The following CDH18 variants were observed in gnomAD, a reference collection of about 807,000 sequenced individuals.
CDH18 encodes the protein cadherin-18.
In CDH18, 31 loss-of-function variants were observed where a neutral mutation model predicts 67.9. The ratio of observed to expected loss-of-function variants is 0.46; its 90% CI spans 0.34 to 0.62. CDH18 has a LOEUF of 0.62. CDH18 is among the 20% of genes least tolerant of loss of function. CDH18 has a pLI of 0.01. For missense variants in CDH18, 890 were observed against 975.5 expected, an observed-to-expected ratio of 0.91 and a Z score of 1.17; for synonymous variants, 362 against 347.2, an observed-to-expected ratio of 1.04 and a Z score of -0.48.
At chr5:19,495,743 G>GAAAAAAAAA (rs1305002033) in intron 11 of CDH18, among the ~76,000 whole-genome samples, 2 of 108,028 alleles carry the variant, frequency 1.9e-5, no homozygotes, top group Non-Finnish European at 3.8e-5. Flanking sequence ...AAAAAAAAAA[G>GAAAAAAAAA]AAAGAAAGAA....
At chr5:20,317,063 A>G (rs1737533522) in intron 1 of CDH18, among the ~76,000 whole-genome samples, 1 of 152,060 alleles carries the variant, frequency 6.6e-6, no homozygotes, top group Non-Finnish European at 1.5e-5. Context: ...TATTTTATTA[A>G]TCATAAAAAA....
chr5:19,842,797 C>T (rs1041786493), intron 2 of CDH18, among the ~76,000 whole-genome samples: 4 of 152,066 alleles, frequency 2.6e-5, no homozygotes, highest in Admixed American at 2.6e-4. Context: ...GACCCAAACA[C>T]TGATAATGGA....
intron 1 of CDH18, among the ~76,000 whole-genome samples, chr5:20,533,761 A>T (rs1380191458): frequency 6.6e-6 from 1 of 152,046 alleles, no homozygotes; most frequent in East Asian, 1.9e-4. Context: ...AATTTTATTC[A>T]TGTAAATAGG....
intron 2 of CDH18, among the ~76,000 whole-genome samples, chr5:19,868,215 A>C (rs2150008900): frequency 6.6e-6 from 1 of 152,312 alleles, no homozygotes; most frequent in African/African-American, 2.4e-5. Flanking sequence ...AGGAATAAAT[A>C]TAATAATGAA....
chr5:20,429,594 T>G (rs1423025007), intron 1 of CDH18, among the ~76,000 whole-genome samples: 1 of 152,066 alleles, frequency 6.6e-6, no homozygotes, highest in Admixed American at 6.5e-5. Context: ...CTCACAAATA[T>G]GAATGGGGGG....
intron 5 of CDH18, among the ~76,000 whole-genome samples, chr5:19,707,351 T>C (rs764296722): frequency 6.6e-6 from 1 of 152,196 alleles, no homozygotes; most frequent in Non-Finnish European, 1.5e-5. Context: ...ATAGCTATGA[T>C]AGTGGTGATC....
At chr5:20,254,220 C>T (rs2126607430) in intron 2 of CDH18, among the ~76,000 whole-genome samples, 1 of 152,306 alleles carries the variant, frequency 6.6e-6, no homozygotes, top group Admixed American at 6.5e-5. Context: ...TCAAGTGATT[C>T]TTCTGCCTCA....
intron 1 of CDH18, among the ~76,000 whole-genome samples, chr5:20,486,604 TA>T (rs1753194684): frequency 6.6e-6 from 1 of 151,464 alleles, no homozygotes; most frequent in Middle Eastern, 3.5e-3. Context: ...TGATGAGTCA[TA>T]AGCATGTTTT....
intron 2 of CDH18, among the ~76,000 whole-genome samples, chr5:19,904,397 A>AGAAGGGAAGGGAAAG (rs1167228438): frequency 4.9e-5 from 7 of 143,754 alleles, no homozygotes; most frequent in Non-Finnish European, 9.2e-5. Context: ...GGGAGGGAAG[A>AGAAGGGAAGGGAAAG]GAAGGGAAGG....
intron 1 of CDH18, among the ~76,000 whole-genome samples, chr5:20,384,061 AG>A (rs1744118168): frequency 6.6e-6 from 1 of 152,166 alleles, no homozygotes; most frequent in Admixed American, 6.5e-5. Context: ...AAATTAAAAA[AG>A]TACAATAATA....
chr5:20,051,857 G>A (rs1009546204), intron 2 of CDH18, among the ~76,000 whole-genome samples: 5 of 151,980 alleles, frequency 3.3e-5, no homozygotes, highest in African/African-American at 9.6e-5. Context: ...TATGTCATAC[G>A]GGATGTGTAA....
intron 5 of CDH18, among the ~76,000 whole-genome samples, chr5:19,693,302 T>C (rs987856863): frequency 1.3e-5 from 2 of 152,194 alleles, no homozygotes; most frequent in East Asian, 3.9e-4. Context: ...ATATAGTCCA[T>C]AATTTTACAT....
At chr5:20,049,316 T>G (rs1741199912) in intron 2 of CDH18, among the ~76,000 whole-genome samples, 1 of 150,300 alleles carries the variant, frequency 6.7e-6, no homozygotes, top group African/African-American at 2.4e-5. Context: ...AAAAAACACA[T>G]ACACAAAAAA....
At chr5:19,883,198 G>T (rs1040544997) in intron 2 of CDH18, among the ~76,000 whole-genome samples, 5 of 152,150 alleles carry the variant, frequency 3.3e-5, no homozygotes, top group African/African-American at 1.2e-4. Flanking sequence ...AAGCTTTTCA[G>T]ATGATTCTTA....
chr5:19,472,206 A>G lies in CDH18; in HGVS notation c.*1020T>C, dbSNP rs1737707313. Among the ~76,000 whole-genome samples the G allele has an allele frequency of 6.6e-6, 1 of 152,156 alleles. No homozygotes were observed. Among genetic ancestry groups the G allele is most frequent in the East Asian group, 1.9e-4 (1 of 5,192 alleles). On this transcript the variant is annotated 3_prime_UTR_variant, in exon 13 of 13. Transcript: ENST00000382275. Reference sequence around the variant, plus strand: ...TCATTGGAGGATAGTCTTTCAGACTACATTGTTATTGTGTGAGGTACTTAT... The same window carrying G: ...TCATTGGAGGATAGTCTTTCAGACTGCATTGTTATTGTGTGAGGTACTTAT...
chr5:20,285,825 T>C (rs1041142970), intron 1 of CDH18, among the ~76,000 whole-genome samples: 1 of 151,712 alleles, frequency 6.6e-6, no homozygotes, highest in African/African-American at 2.4e-5. Flanking sequence ...TGAATTGCCA[T>C]GTATCAGATA....
At chr5:19,880,514 G>C (rs1787521781) in intron 2 of CDH18, among the ~76,000 whole-genome samples, 1 of 152,038 alleles carries the variant, frequency 6.6e-6, no homozygotes, top group Non-Finnish European at 1.5e-5. Context: ...ACAGTCTGTT[G>C]AAGAGCTCCT....
At chr5:20,114,714 G>A (rs1464394512) in intron 2 of CDH18, among the ~76,000 whole-genome samples, 1 of 152,128 alleles carries the variant, frequency 6.6e-6, no homozygotes, top group Non-Finnish European at 1.5e-5. Flanking sequence ...TGTCAGCCTG[G>A]AGGAAATTCA....
At chr5:19,500,057 G>T (rs1353902368) in intron 11 of CDH18, among the ~76,000 whole-genome samples, 1 of 151,182 alleles carries the variant, frequency 6.6e-6, no homozygotes, top group Non-Finnish European at 1.5e-5. Flanking sequence ...CACAGAAAAT[G>T]ATAAATTTTC....
Sources: gnomAD v4.1 joint callset for allele counts (sites outside exome capture counted in the v4.1 genomes callset) on GRCh38, gnomAD v4.1.1 for gene constraint, MANE v1.5 for transcripts, NCBI Gene and HGNC (gene_info 2026-07-23, HGNC 2026-07-21) for gene names.